Variants in ELN observed in about 807,000 individuals in gnomAD.
ELN encodes the protein elastin, also known as tropoelastin.
ELN carries 65 observed loss-of-function variants against 105.8 expected under a neutral mutation model. The observed-to-expected ratio is 0.61, with a 90% CI of 0.50 to 0.75. The LOEUF is 0.75. Ranked by LOEUF, ELN falls within the 30% of genes least tolerant of loss-of-function variation. The pLI is 0.00. For synonymous variants in ELN, 368 were observed against 389.2 expected (o/e 0.95, Z 0.64); for missense variants, 882 against 969.4 (o/e 0.91, Z 1.20).
In ELN at chr7:74,056,396, G is replaced by A. The variant is rs1795231998; in HGVS notation, c.1276G>A (p.Val426Ile). ...CGCAGGTGTCCCTGGTGTCGGAGGT[G>A]TTCCCGGAGTCGGAGGTGTCCCGGG... ...GVAGVPGVGG[V>I]PGVGGVPGVG... Residue 426 changes from valine (V) to isoleucine (I), a missense_variant, in exon 20 of 33, where the codon GTT (valine) becomes ATT (isoleucine). Val to Ile is a conservative substitution (Grantham distance 29). Transcript: ENST00000252034. 2 of 1,613,348 alleles carry A rather than the reference G, an allele frequency of 1.2e-6. No homozygotes were observed. Among genetic ancestry groups the A allele is most frequent in the Non-Finnish European group, 1.7e-6 (2 of 1,179,608 alleles).
chr7:74,059,803 C>T (rs1583956190), intron 22 of ELN, 83 bp from the exon 23 acceptor site: 1 of 816,494 alleles, frequency 1.2e-6, no homozygotes, highest in Admixed American at 1.7e-5. Context: ...TATGCCAGGG[C>T]CGAGGCTCCA....
At chr7:74,059,086 TA>T (rs74527092) in intron 22 of ELN, among the ~76,000 whole-genome samples, 2,462 of 143,578 alleles carry the variant, frequency 0.017, 48 homozygotes, top group African/African-American at 0.052. Flanking sequence ...ATGCCCAGTT[TA>T]AAAAAAAAAA....
chr7:74,051,875 T>G, intron 16 of ELN, 36 bp downstream of exon 16: 1 of 1,613,976 alleles, frequency 6.2e-7, no homozygotes, highest in Non-Finnish European at 8.5e-7. Flanking sequence ...GGTGTGTCCT[T>G]GAGATGGCCA....
chr7:74,060,246 C>T (rs140164383), intron 24 of ELN, 62 bp downstream of exon 24: 2 of 1,613,934 alleles, frequency 1.2e-6, no homozygotes, highest in Non-Finnish European at 1.7e-6. Flanking sequence ...TTAGGGGCAA[C>T]AGCCAGGGAG....
intron 25 of ELN, among the ~76,000 whole-genome samples, chr7:74,060,879 C>T (rs1297355844): frequency 2.6e-5 from 4 of 152,188 alleles, no homozygotes; most frequent in African/African-American, 4.8e-5. Context: ...CCACTCTGTG[C>T]CCAGCCTCAG....
At chr7:74,064,130 G>A (rs1341163767) in intron 29 of ELN, among the ~76,000 whole-genome samples, 2 of 148,988 alleles carry the variant, frequency 1.3e-5, no homozygotes, top group Admixed American at 1.3e-4. Flanking sequence ...AGAAAGAAAA[G>A]AAAAGAGGCC....
At chr7:74,048,751 A>G (rs1793162290) in intron 15 of ELN, among the ~76,000 whole-genome samples, 195 bp downstream of exon 15, 1 of 151,636 alleles carries the variant, frequency 6.6e-6, no homozygotes, top group Non-Finnish European at 1.5e-5. Context: ...CCTTCCATCA[A>G]TCTATTACTT....
chr7:74,064,323 AAG>A (rs1797438201), intron 29 of ELN, among the ~76,000 whole-genome samples: 1 of 151,098 alleles, frequency 6.6e-6, no homozygotes. Flanking sequence ...GCTGAGGCAG[AAG>A]AATGGCGTGA....
At chr7:74,030,256 C>T (rs1554661430) in intron 1 of ELN, among the ~76,000 whole-genome samples, 1 of 152,222 alleles carries the variant, frequency 6.6e-6, no homozygotes, top group Non-Finnish European at 1.5e-5. Flanking sequence ...CTGCCACTCA[C>T]CTGGCTGTCC....
intron 4 of ELN, among the ~76,000 whole-genome samples, chr7:74,040,349 G>A (rs932222532): frequency 3.7e-4 from 56 of 152,322 alleles, no homozygotes; most frequent in African/African-American, 1.1e-3. Context: ...AGGCACTCCC[G>A]CCCGGAGGCA....
intron 14 of ELN, 38 bp from the exon 15 acceptor site, chr7:74,048,465 C>T (rs1793082579): frequency 6.2e-7 from 1 of 1,613,956 alleles, no homozygotes. Context: ...TACAGGAGCA[C>T]TGTTTCAAGG....
rs56342052 is a variant in ELN, at chr7:74,040,446, C to T, written c.197-770C>T. On this transcript the variant is annotated intron_variant, in intron 4 of 32. Transcript: ENST00000252034. ...ATGAGGGACGAGGAGTGGTTAGTAA[C>T]GGAGACCACACCCAGGGAAAGCCAG... Among the ~76,000 whole-genome samples the T allele has an allele frequency of 2.8e-3, 430 of 152,312 alleles. 5 individuals carry two copies. Among genetic ancestry groups the T allele is most frequent in the African/African-American group, 8.4e-3 (350 of 41,562 alleles).
intron 24 of ELN, 79 bp downstream of exon 24, chr7:74,060,263 G>A (rs1037677526): frequency 4.3e-5 from 70 of 1,613,248 alleles, no homozygotes; most frequent in Middle Eastern, 1.6e-4. Flanking sequence ...GGAGGAGGCC[G>A]CTGCTTGGAT....
At chr7:74,043,581 G>C (rs782502797) in intron 8 of ELN, 19 of 645,464 alleles carry the variant, frequency 2.9e-5, no homozygotes, top group South Asian at 2.4e-4. Context: ...ACAAAAGACT[G>C]CCTGAGTCTA....
chr7:74,061,960 C>G (rs963881115), intron 26 of ELN, among the ~76,000 whole-genome samples: 10 of 152,234 alleles, frequency 6.6e-5, no homozygotes, highest in Non-Finnish European at 1.2e-4. Flanking sequence ...TATTCCTCAT[C>G]TGGGCACCCC....
At chr7:74,043,077 C>A in intron 7 of ELN, 41 bp from the exon 8 acceptor site, 1 of 1,614,178 alleles carries the variant, frequency 6.2e-7, no homozygotes, top group Non-Finnish European at 8.5e-7. Flanking sequence ...AAGTTGCAGG[C>A]CTGGGTGGAG....
At chr7:74,067,894 C>G (rs1014277027) in intron 32 of ELN, among the ~76,000 whole-genome samples, 4 of 145,278 alleles carry the variant, frequency 2.8e-5, no homozygotes, top group African/African-American at 1.0e-4. Context: ...CACCACTGCC[C>G]TCTAGCCTGG....
chr7:74,045,221 G>A lies in ELN; in HGVS notation c.470-1G>A. On this transcript the variant is annotated splice_acceptor_variant, in intron 9 of 32. Coordinates refer to ENST00000252034, the MANE Select transcript of ELN (RefSeq NM_000501.4). LOFTEE classifies it high-confidence loss of function. ...ACACTCACTGCTTTGTCCCCCGGCA[G>A]GAGCTCGGTTCCCCGGTGTGGGGGT... The A allele has an allele frequency of 1.2e-6, 2 of 1,614,092 alleles. No individual in the cohort carries two copies. The highest frequency in any genetic ancestry group is 1.7e-6 in the Non-Finnish European group (2 of 1,180,036).
At chr7:74,032,786 G>A (rs1209615220) in intron 1 of ELN, among the ~76,000 whole-genome samples, 3 of 152,158 alleles carry the variant, frequency 2.0e-5, no homozygotes, top group East Asian at 3.9e-4. Context: ...AGGCCCAGGG[G>A]CTCAACAAGC....
Sources: allele counts gnomAD v4.1 joint callset (sites outside exome capture counted in the v4.1 genomes callset), GRCh38; gene constraint gnomAD v4.1.1; transcripts MANE v1.5; gene names NCBI Gene and HGNC (gene_info 2026-07-23, HGNC 2026-07-21).